Variants in MYT1L observed in about 807,000 individuals in gnomAD.
The protein encoded by MYT1L is myelin transcription factor 1 like.
A neutral mutation model predicts 126.7 loss-of-function variants in MYT1L; 12 were observed. That is an observed-to-expected ratio of 0.09 (90% confidence interval 0.06 to 0.15). MYT1L has a LOEUF of 0.15. Ranked by LOEUF, MYT1L falls within the 10% of genes least tolerant of loss-of-function variation. The pLI is 1.00. For missense variants in MYT1L, 979 were observed against 1,585.2 expected (o/e 0.62, Z 6.49); for synonymous variants, 541 against 604.2 (o/e 0.90, Z 1.53).
intron 10 of MYT1L, among the ~76,000 whole-genome samples, chr2:1,918,790 G>C (rs1336283672): frequency 6.6e-6 from 1 of 152,152 alleles, no homozygotes; most frequent in Non-Finnish European, 1.5e-5. Flanking sequence ...AAGAATCTTT[G>C]AGAACAAATC....
chr2:2,031,741 C>T lies in MYT1L; in HGVS notation c.-158+22237G>A, dbSNP rs1366244360. On this transcript the variant is annotated intron_variant, in intron 4 of 24. Coordinates refer to ENST00000647738, the MANE Select transcript of MYT1L (RefSeq NM_001303052.2). ...CACCAATGCCTCTCATCCTGTCGCC[C>T]AGAGCAGATTCGAGAAGGAGGGCCT... Among the ~76,000 whole-genome samples the T allele has an allele frequency of 2.1e-5, 3 of 143,156 alleles. No individual in the cohort carries two copies. The Admixed American group carries it at 2.1e-4, about 10-fold the overall frequency. 93.9% of individuals were successfully genotyped at this position (143,156 alleles called of 152,430 possible). A position where few individuals can be genotyped will look rare whatever the true frequency, so the allele number is the denominator to read the frequency against.
At position 1,793,903 on chromosome 2, in the gene MYT1L, C is replaced by A. The variant is rs1198420907; in HGVS notation, c.3277-1439G>T. ...CTCCTGGGTGGGCCTCGAAGGGCTG[C>A]GTGCCCGGTGCTTGTCTTCCAGAGC... On this transcript the variant is annotated intron_variant, in intron 23 of 24. Coordinates refer to ENST00000647738, the MANE Select transcript of MYT1L (RefSeq NM_001303052.2). This position sits in a 1 kb window ranked among gnomAD's most constrained non-coding sequence, Gnocchi z 4.6. Among the ~76,000 whole-genome samples the A allele has an allele frequency of 6.6e-6, 1 of 152,174 alleles. No homozygotes were observed. The highest frequency in any genetic ancestry group is 2.4e-5 in the African/African-American group (1 of 41,458).
In MYT1L at chr2:2,133,863, G is replaced by A. The variant is rs143244270; in HGVS notation, c.-304+39009C>T. 2.0e-4 allele frequency among the ~76,000 whole-genome samples: 30 copies of A among 152,198 alleles called. No individual in the cohort carries two copies. In the East Asian group the frequency reaches 5.6e-3, roughly 29 times the overall value. ...TAGGGACACACCACATGCCCTAATT[G>A]TACAAATAAAGCAGATGCTTTAAGA... On this transcript the variant is annotated intron_variant, in intron 3 of 24. Transcript: ENST00000647738.
intron 9 of MYT1L, among the ~76,000 whole-genome samples, chr2:1,925,509 G>C (rs1215903593): frequency 2.6e-5 from 4 of 152,118 alleles, no homozygotes; most frequent in Admixed American, 2.6e-4. Flanking sequence ...TCACCTTTTT[G>C]ATAATCAGAC....
intron 18 of MYT1L, among the ~76,000 whole-genome samples, chr2:1,883,624 T>C (rs144123590): frequency 2.0e-4 from 30 of 152,304 alleles, no homozygotes; most frequent in African/African-American, 7.2e-4. Flanking sequence ...CAGGCAGGGC[T>C]CACGGTGACC....
At position 1,912,177 on chromosome 2, in the gene MYT1L, T is replaced by C; in HGVS notation, c.1619-67A>G. On this transcript the variant is annotated intron_variant, in intron 11 of 24. Coordinates refer to ENST00000647738, the MANE Select transcript of MYT1L (RefSeq NM_001303052.2). This position sits in a 1 kb window ranked among gnomAD's most constrained non-coding sequence, Gnocchi z 4.3. Reference sequence around the variant, plus strand: ...GAGGCACGGTTAGGGCACATGAAAATGCAGTCATTTAACAAAGGCCAGGTC... The same window carrying C: ...GAGGCACGGTTAGGGCACATGAAAACGCAGTCATTTAACAAAGGCCAGGTC... The C allele has an allele frequency of 8.5e-7, 1 of 1,173,656 alleles. No individual in the cohort carries two copies. Among genetic ancestry groups the C allele is most frequent in the Non-Finnish European group, 1.2e-6 (1 of 835,426 alleles). The allele number at this position is 1,173,656 out of a possible 1,614,324, so 72.7% of individuals were successfully genotyped here.
chr2:1,805,305 T>G (rs2035517702), intron 22 of MYT1L, among the ~76,000 whole-genome samples: 1 of 152,168 alleles, frequency 6.6e-6, no homozygotes, highest in South Asian at 2.1e-4. Context: ...AGTGCCAGGG[T>G]CCTTCTTGGC....
At chr2:2,123,872 G>A (rs1235466047) in intron 3 of MYT1L, among the ~76,000 whole-genome samples, 1 of 152,152 alleles carries the variant, frequency 6.6e-6, no homozygotes, top group African/African-American at 2.4e-5. Flanking sequence ...GATGGTGAAA[G>A]CAGACATTAG....
At chr2:2,063,077 C>T (rs1190585666) in intron 3 of MYT1L, among the ~76,000 whole-genome samples, 1 of 152,088 alleles carries the variant, frequency 6.6e-6, no homozygotes, top group African/African-American at 2.4e-5. Flanking sequence ...ATCAGATTTC[C>T]TTTATCTTCT....
intron 5 of MYT1L, among the ~76,000 whole-genome samples, chr2:1,989,524 C>T (rs2061315880): frequency 6.6e-6 from 1 of 152,094 alleles, no homozygotes; most frequent in Non-Finnish European, 1.5e-5. Flanking sequence ...ATACAAATAA[C>T]AAGGTTTGAT....
At chr2:2,169,746 T>G (rs1031405529) in intron 3 of MYT1L, among the ~76,000 whole-genome samples, 5 of 152,158 alleles carry the variant, frequency 3.3e-5, no homozygotes, top group African/African-American at 9.7e-5. Context: ...TGTCAAGTGG[T>G]CACGCCCGGC....
chr2:1,959,331 A>G (rs971811728), intron 8 of MYT1L, among the ~76,000 whole-genome samples: 2 of 152,110 alleles, frequency 1.3e-5, no homozygotes, highest in Non-Finnish European at 2.9e-5. Context: ...TCTGGATGTG[A>G]AAGTCCCTCC....
chr2:1,956,404 G>A (rs11903444), intron 8 of MYT1L, among the ~76,000 whole-genome samples: 2,631 of 81,528 alleles, frequency 0.032, 272 homozygotes, highest in East Asian at 0.051. Context: ...CTATCTGTCT[G>A]TCTATCTATC....
chr2:1,979,278 C>A lies in MYT1L; in HGVS notation c.90-51G>T, dbSNP rs991369458. On this transcript the variant is annotated intron_variant, in intron 7 of 24. Coordinates refer to ENST00000647738, the MANE Select transcript of MYT1L (RefSeq NM_001303052.2). This position sits in a 1 kb window ranked among gnomAD's most constrained non-coding sequence, Gnocchi z 4.0. Reference sequence around the variant, plus strand: ...CGGTGCCGCAGGCAGGCAGGTGAGACGGAAAGCTTCCGTGGCAGCAGAGAG... The same window carrying A: ...CGGTGCCGCAGGCAGGCAGGTGAGAAGGAAAGCTTCCGTGGCAGCAGAGAG... The A allele has an allele frequency of 7.8e-6, 12 of 1,530,906 alleles. No individual in the cohort carries two copies. The African/African-American group carries it at 1.4e-4, about 17-fold the overall frequency. The allele number at this position is 1,530,906 out of a possible 1,614,324, so 94.8% of individuals were successfully genotyped here.
At position 2,296,174 on chromosome 2, in the gene MYT1L, A is replaced by G. The variant is rs992327982; in HGVS notation, c.-520-11671T>C. On this transcript the variant is annotated intron_variant, in intron 1 of 24. Coordinates refer to ENST00000647738, the MANE Select transcript of MYT1L (RefSeq NM_001303052.2). The stretch of plus-strand genomic sequence containing the variant: ...CCCTGGGTGGTTGAGAAGCTTTGCT[A>G]TAAAAGTCACCTGAGGTGCAGCTAA... Among the ~76,000 whole-genome samples, 87 of 152,238 alleles carry G rather than the reference A, an allele frequency of 5.7e-4. 1 individual carries two copies. Among genetic ancestry groups the G allele is most frequent in the African/African-American group, 2.1e-3 (85 of 41,460 alleles).
intron 18 of MYT1L, among the ~76,000 whole-genome samples, chr2:1,856,739 A>C (rs1004057601): frequency 2.0e-5 from 3 of 152,246 alleles, no homozygotes; most frequent in South Asian, 2.1e-4. Flanking sequence ...AGTTCTACTA[A>C]GCAAGGCATT....
At chr2:2,077,911 T>C (rs1019934915) in intron 3 of MYT1L, among the ~76,000 whole-genome samples, 4 of 152,208 alleles carry the variant, frequency 2.6e-5, no homozygotes, top group Non-Finnish European at 4.4e-5. Context: ...TAAAAGATGG[T>C]ATAAGCTTAT....
At chr2:2,089,970 A>T (rs915295591) in intron 3 of MYT1L, among the ~76,000 whole-genome samples, 33 of 152,230 alleles carry the variant, frequency 2.2e-4, no homozygotes, top group African/African-American at 8.0e-4. Flanking sequence ...CCTGTCCTTC[A>T]AACATTAAAT....
intron 3 of MYT1L, among the ~76,000 whole-genome samples, chr2:2,071,841 C>A (rs1232813030): frequency 6.6e-6 from 1 of 152,106 alleles, no homozygotes; most frequent in South Asian, 2.1e-4. Flanking sequence ...ATGAGGTGAT[C>A]GTGACCTAAA....
Sources: gnomAD v4.1 joint callset for allele counts (sites outside exome capture counted in the v4.1 genomes callset) on GRCh38, gnomAD v4.1.1 for gene constraint, Gnocchi (gnomAD v3.1) non-coding constraint, MANE v1.5 for transcripts, NCBI Gene and HGNC (gene_info 2026-07-23, HGNC 2026-07-21) for gene names.